Variants in LRRK2 observed in about 807,000 individuals in gnomAD.
The protein encoded by LRRK2 is leucine rich repeat kinase 2, also known as leucine-rich repeat serine/threonine-protein kinase 2.
A neutral mutation model predicts 302.6 loss-of-function variants in LRRK2; 203 were observed. That is an observed-to-expected ratio of 0.67 (90% CI 0.60 to 0.75). The LOEUF (loss-of-function observed/expected upper bound fraction) is 0.75. Among genes scored for constraint, LRRK2 ranks in the 30% least tolerant of loss-of-function variants. The probability of loss-of-function intolerance (pLI) is 0.00; values close to 1 mark genes in which losing one functional copy is unlikely to be tolerated. For missense variants in LRRK2, 2,830 were observed against 2,951.0 expected, an observed-to-expected ratio of 0.96 and a Z score of 0.95; for synonymous variants, 1,066 against 1,031.9, an observed-to-expected ratio of 1.03 and a Z score of -0.63.
intron 14 of LRRK2, among the ~76,000 whole-genome samples, chr12:40,271,334 G>C (rs970041269): frequency 3.9e-5 from 6 of 152,150 alleles, no homozygotes; most frequent in African/African-American, 1.4e-4. Flanking sequence ...CTGGGAATGC[G>C]AGTCTGTTTT....
intron 7 of LRRK2, among the ~76,000 whole-genome samples, chr12:40,246,774 A>C (rs1162324111): frequency 6.6e-6 from 1 of 152,168 alleles, no homozygotes; most frequent in Non-Finnish European, 1.5e-5. Flanking sequence ...CCTTGCAGAG[A>C]GTCTGAAACT....
chr12:40,335,204 C>A, intron 40 of LRRK2, 47 bp downstream of exon 40: 1 of 1,591,914 alleles, frequency 6.3e-7, no homozygotes, highest in Non-Finnish European at 8.6e-7. Context: ...CAAGTGTGAT[C>A]CAGACTTGCT....
chr12:40,270,601 GGAGAAGTCT>G (rs1477214892), intron 14 of LRRK2, among the ~76,000 whole-genome samples: 1 of 151,936 alleles, frequency 6.6e-6, no homozygotes, highest in Non-Finnish European at 1.5e-5. Flanking sequence ...ATGTTTTAGT[GGAGAAGTCT>G]GAGGCCAGCT....
intron 47 of LRRK2, among the ~76,000 whole-genome samples, chr12:40,362,114 G>A (rs1182701357): frequency 6.6e-6 from 1 of 151,948 alleles, no homozygotes; most frequent in Non-Finnish European, 1.5e-5. Flanking sequence ...ACACACAAAA[G>A]TATTTTATAA....
rs1943816912 is a variant in LRRK2, at chr12:40,284,108, G to A, written c.2475G>A (p.Lys825=). Residue 825 remains lysine (K), a synonymous_variant, in exon 19 of 51, where the codon AAG becomes AAA. Transcript: ENST00000298910. ...GGCTTGGTCCTTTATTTCCAGATAA[G>A]ACTTCTAATTTAAGGAAACAAACAA... ...PSWLGPLFPD[K]TSNLRKQTNI... 1.9e-6 allele frequency: 3 copies of A among 1,611,434 alleles called. No homozygotes were observed. Among genetic ancestry groups the A allele is most frequent in the Non-Finnish European group, 2.5e-6 (3 of 1,178,318 alleles).
At chr12:40,230,036 C>T (rs60243515) in intron 2 of LRRK2, among the ~76,000 whole-genome samples, 1,446 of 122,102 alleles carry the variant, frequency 0.012, 26 homozygotes, top group African/African-American at 0.042. Flanking sequence ...GGAAAAAAGT[C>T]TTGATGTATT....
chr12:40,299,258 G>T lies in LRRK2; in HGVS notation c.3496+1G>T. 2 of 1,613,106 alleles carry T rather than the reference G, an allele frequency of 1.2e-6. No homozygotes were observed. The highest frequency in any genetic ancestry group is 1.7e-6 in the Non-Finnish European group (2 of 1,179,460). Reference sequence around the variant, plus strand: ...TTCAGTGCCAGAATGAATTTTCTTGGTAAGTGTTCTGTGTGGGTCTCCTCC... The same window carrying T: ...TTCAGTGCCAGAATGAATTTTCTTGTTAAGTGTTCTGTGTGGGTCTCCTCC... On this transcript the variant is annotated splice_donor_variant, in intron 25 of 50. Coordinates refer to ENST00000298910, the MANE Select transcript of LRRK2 (RefSeq NM_198578.4). LOFTEE classifies it high-confidence loss of function.
At position 40,303,663 on chromosome 12, in the gene LRRK2, A is replaced by G. The variant is rs879381356; in HGVS notation, c.3591-285A>G. Among the ~76,000 whole-genome samples the G allele has an allele frequency of 3.9e-5, 6 of 152,046 alleles. No homozygotes were observed. In the East Asian group the frequency reaches 9.6e-4, roughly 24 times the overall value. ...CTTTAGAATGTGTTTAACTGTTCTA[A>G]CTACTCTACAGCGGTTCATCTCTTT... On this transcript the variant is annotated intron_variant, in intron 26 of 50. Coordinates refer to ENST00000298910, the MANE Select transcript of LRRK2 (RefSeq NM_198578.4).
intron 41 of LRRK2, among the ~76,000 whole-genome samples, chr12:40,344,008 T>A (rs757375523): frequency 1.3e-5 from 2 of 152,184 alleles, no homozygotes; most frequent in African/African-American, 2.4e-5. Flanking sequence ...AGGAGAAGAT[T>A]AGAAGTTTAA....
intron 45 of LRRK2, among the ~76,000 whole-genome samples, chr12:40,355,162 G>GT (rs1328356769): frequency 2.0e-5 from 3 of 151,958 alleles, no homozygotes; most frequent in East Asian, 1.9e-4. Flanking sequence ...TGTGAAGCCT[G>GT]TTTTTTGTAC....
At chr12:40,355,724 A>G (rs552455608) in intron 45 of LRRK2, among the ~76,000 whole-genome samples, 2 of 152,010 alleles carry the variant, frequency 1.3e-5, no homozygotes, top group South Asian at 4.2e-4. Context: ...TTACATTTTT[A>G]GTAGAAACGG....
At chr12:40,261,420 A>G (rs1942769976) in intron 13 of LRRK2, among the ~76,000 whole-genome samples, 1 of 152,182 alleles carries the variant, frequency 6.6e-6, no homozygotes, top group Non-Finnish European at 1.5e-5. Context: ...TTGTTAGTTA[A>G]CAATCAATCA....
intron 18 of LRRK2, among the ~76,000 whole-genome samples, chr12:40,282,509 T>G (rs1398748877): frequency 6.6e-6 from 1 of 152,164 alleles, no homozygotes. Context: ...TCTTCAAGAA[T>G]GAACACCTTT....
intron 25 of LRRK2, among the ~76,000 whole-genome samples, chr12:40,299,496 A>T (rs779390281): frequency 7.2e-5 from 11 of 152,332 alleles, no homozygotes; most frequent in African/African-American, 1.9e-4. Flanking sequence ...AAAAGGCTAC[A>T]TACTATTCGT....
At chr12:40,267,259 C>A (rs564221890) in intron 14 of LRRK2, among the ~76,000 whole-genome samples, 1 of 152,184 alleles carries the variant, frequency 6.6e-6, no homozygotes. Context: ...CCACAGTTGC[C>A]GCGTCCTGAG....
At chr12:40,329,097 T>C (rs191567662) in intron 39 of LRRK2, among the ~76,000 whole-genome samples, 28 of 152,352 alleles carry the variant, frequency 1.8e-4, no homozygotes, top group Non-Finnish European at 3.2e-4. Context: ...AAACTCTCAC[T>C]GATAAGCTTG....
At chr12:40,316,775 G>A (rs781607981) in intron 33 of LRRK2, among the ~76,000 whole-genome samples, 70 of 152,032 alleles carry the variant, frequency 4.6e-4, no homozygotes, top group Non-Finnish European at 9.1e-4. Flanking sequence ...ACGTAGTTTT[G>A]GAAAGTGTGT....
chr12:40,274,989 C>A lies in LRRK2; in HGVS notation c.1937C>A (p.Thr646Asn). Reference protein sequence around the residue: ...YRFKDVAEIQTKGFQTILAIL... With the variant: ...YRFKDVAEIQNKGFQTILAIL... ...TTTAAGGATGTTGCTGAAATACAGA[C>A]TAAAGTATGTGCATTATCTTGGAAA... Residue 646 changes from threonine to asparagine, a missense_variant, in exon 16 of 51, where the codon ACT (threonine) becomes AAT (asparagine). By Grantham distance (65) the Thr-to-Asn change is moderately conservative (BLOSUM62 0). Coordinates refer to ENST00000298910, the MANE Select transcript of LRRK2 (RefSeq NM_198578.4). The A allele has an allele frequency of 6.2e-7, 1 of 1,613,806 alleles. No individual in the cohort carries two copies. The highest frequency in any genetic ancestry group is 8.5e-7 in the Non-Finnish European group (1 of 1,179,874).
intron 11 of LRRK2, among the ~76,000 whole-genome samples, chr12:40,253,705 T>G (rs537252761): frequency 1.1e-4 from 16 of 152,294 alleles, no homozygotes; most frequent in Admixed American, 8.5e-4. Flanking sequence ...AGCTTTGTAG[T>G]TTTTCAGTGC....
Sources: allele counts gnomAD v4.1 joint callset (sites outside exome capture counted in the v4.1 genomes callset), GRCh38; gene constraint gnomAD v4.1.1; transcripts MANE v1.5; gene names NCBI Gene and HGNC (gene_info 2026-07-23, HGNC 2026-07-21).